Variants in CNTN3 observed in about 807,000 individuals in gnomAD.
CNTN3 encodes the protein contactin-3.
A neutral mutation model predicts 119.1 loss-of-function variants in CNTN3; 60 were observed. The observed-to-expected ratio is 0.50, with a 90% confidence interval of 0.41 to 0.62. The LOEUF is 0.62. CNTN3 is among the 20% of genes least tolerant of loss of function. The pLI, the probability that CNTN3 is intolerant of heterozygous loss-of-function variation, is 0.00. For synonymous variants in CNTN3, 450 were observed against 438.7 expected (o/e 1.03, Z -0.32); for missense variants, 1,101 against 1,242.4 (o/e 0.89, Z 1.71).
chr3:74,285,260 G>A (rs998623915), intron 20 of CNTN3, 45 bp downstream of exon 20: 3 of 1,530,774 alleles, frequency 2.0e-6, no homozygotes, highest in African/African-American at 1.4e-5. Flanking sequence ...CCTTTTTAAT[G>A]CAAACTATTT....
At chr3:74,565,373 C>A (rs945581521) in intron 1 of CNTN3, among the ~76,000 whole-genome samples, 11 of 152,156 alleles carry the variant, frequency 7.2e-5, no homozygotes, top group Non-Finnish European at 1.5e-4. Context: ...AGCTCTGCTT[C>A]AATCGTCACA....
chr3:74,600,832 A>G (rs1169266358), intron 1 of CNTN3, among the ~76,000 whole-genome samples: 1 of 151,994 alleles, frequency 6.6e-6, no homozygotes, highest in Non-Finnish European at 1.5e-5. Flanking sequence ...TCAACCAGAA[A>G]TCCTGTACTT....
At chr3:74,391,648 C>A (rs1353953589) in intron 5 of CNTN3, among the ~76,000 whole-genome samples, 2 of 147,682 alleles carry the variant, frequency 1.4e-5, no homozygotes, top group African/African-American at 2.6e-5. Context: ...CTCACTATAA[C>A]CTCCACCCCC....
At chr3:74,579,253 C>T (rs1180951006) in intron 1 of CNTN3, among the ~76,000 whole-genome samples, 2 of 151,616 alleles carry the variant, frequency 1.3e-5, no homozygotes, top group African/African-American at 4.8e-5. Flanking sequence ...CAAAATACAG[C>T]ATGCACAAAT....
chr3:74,413,657 G>C (rs1701473665), intron 5 of CNTN3, among the ~76,000 whole-genome samples: 1 of 152,120 alleles, frequency 6.6e-6, no homozygotes, highest in Non-Finnish European at 1.5e-5. Context: ...TGAATTACTT[G>C]GCTGCATGCT....
chr3:74,362,127 A>T, intron 10 of CNTN3, 87 bp from the exon 11 acceptor site: 1 of 1,464,190 alleles, frequency 6.8e-7, no homozygotes. Flanking sequence ...CAGTTTTAAA[A>T]GTTTTCTTTA....
intron 13 of CNTN3, among the ~76,000 whole-genome samples, chr3:74,309,218 C>T (rs1455429224): frequency 6.6e-6 from 1 of 152,080 alleles, no homozygotes; most frequent in Non-Finnish European, 1.5e-5. Context: ...GATCCTTCCA[C>T]GTCAGCTTTC....
At chr3:74,334,294 G>C (rs1042511390) in intron 13 of CNTN3, among the ~76,000 whole-genome samples, 4 of 152,144 alleles carry the variant, frequency 2.6e-5, no homozygotes, top group African/African-American at 9.7e-5. Flanking sequence ...TACTGCTAAT[G>C]TCTGGTGCAA....
intron 4 of CNTN3, among the ~76,000 whole-genome samples, chr3:74,454,057 G>A (rs1464150200): frequency 5.9e-5 from 8 of 136,252 alleles, no homozygotes; most frequent in African/African-American, 1.7e-4. Context: ...TTCAATTCCT[G>A]GGTATCCTTG....
intron 1 of CNTN3, among the ~76,000 whole-genome samples, chr3:74,595,012 C>T (rs1246309419): frequency 1.3e-5 from 2 of 151,964 alleles, no homozygotes; most frequent in Non-Finnish European, 2.9e-5. Context: ...GATGGTATCT[C>T]ATTGTGGTTT....
chr3:74,357,236 A>G (rs1440385408), intron 11 of CNTN3, among the ~76,000 whole-genome samples: 3 of 150,568 alleles, frequency 2.0e-5, no homozygotes, highest in Non-Finnish European at 4.4e-5. Context: ...GATTATTCAA[A>G]TCTATTATAC....
chr3:74,536,024 TA>T (rs869185459), intron 1 of CNTN3, among the ~76,000 whole-genome samples: 3 of 152,132 alleles, frequency 2.0e-5, no homozygotes, highest in Non-Finnish European at 4.4e-5. Context: ...TAAAATTTTT[TA>T]AAAAAATTTC....
chr3:74,536,180 T>C (rs986247066), intron 1 of CNTN3, among the ~76,000 whole-genome samples: 10 of 152,004 alleles, frequency 6.6e-5, no homozygotes, highest in African/African-American at 1.2e-4. Context: ...TGAGCTCCCC[T>C]GTAAGAACCA....
intron 13 of CNTN3, among the ~76,000 whole-genome samples, chr3:74,313,544 A>G (rs1271811775): frequency 6.6e-6 from 1 of 152,208 alleles, no homozygotes; most frequent in African/African-American, 2.4e-5. Flanking sequence ...CTTGCTTAGA[A>G]ATCACTGACA....
intron 4 of CNTN3, among the ~76,000 whole-genome samples, chr3:74,456,903 T>C (rs1195109870): frequency 6.6e-6 from 1 of 152,086 alleles, no homozygotes; most frequent in African/African-American, 2.4e-5. Flanking sequence ...ATAAAATCTA[T>C]TTACCAATAA....
intron 1 of CNTN3, among the ~76,000 whole-genome samples, chr3:74,581,850 GGGGAAGTC>G (rs1704514825): frequency 6.6e-6 from 1 of 152,040 alleles, no homozygotes; most frequent in African/African-American, 2.4e-5. Context: ...GCAGTGCACG[GGGGAAGTC>G]TTGTTAATAA....
chr3:74,398,944 C>T (rs1303166330), intron 5 of CNTN3, among the ~76,000 whole-genome samples: 2 of 152,178 alleles, frequency 1.3e-5, no homozygotes, highest in African/African-American at 4.8e-5. Flanking sequence ...TATTGCAATA[C>T]ATACAATGTT....
intron 4 of CNTN3, among the ~76,000 whole-genome samples, chr3:74,432,588 C>T (rs78970171): frequency 6.6e-6 from 1 of 152,120 alleles, no homozygotes; most frequent in South Asian, 2.1e-4. Context: ...ATGCCCACTA[C>T]AAAAATAAAA....
intron 1 of CNTN3, among the ~76,000 whole-genome samples, chr3:74,610,321 G>A (rs778158244): frequency 1.5e-5 from 2 of 129,680 alleles, no homozygotes; most frequent in Non-Finnish European, 3.2e-5. Flanking sequence ...AGACCCTGTC[G>A]AAAAAAACAA....
Sources: allele counts gnomAD v4.1 joint callset (sites outside exome capture counted in the v4.1 genomes callset), GRCh38; gene constraint gnomAD v4.1.1; transcripts MANE v1.5; gene names NCBI Gene and HGNC (gene_info 2026-07-23, HGNC 2026-07-21).